FAM53B: variants seen among roughly 807,000 people sequenced by gnomAD.
FAM53B encodes the protein family with sequence similarity 53 member B.
Under a neutral mutation model 32.7 loss-of-function variants are expected in FAM53B, and 12 were observed. That is an observed-to-expected ratio of 0.37 (90% CI 0.24 to 0.59). FAM53B has a LOEUF of 0.59. Among genes scored for constraint, FAM53B ranks in the 20% least tolerant of loss-of-function variants. FAM53B has a pLI of 0.72. For missense variants in FAM53B, 477 were observed against 577.7 expected, an observed-to-expected ratio of 0.83 and a Z score of 1.79; for synonymous variants, 234 against 228.7, an observed-to-expected ratio of 1.02 and a Z score of -0.21.
intron 3 of FAM53B, among the ~76,000 whole-genome samples, chr10:124,685,262 A>G (rs1949795383): frequency 6.6e-6 from 1 of 152,210 alleles, no homozygotes; most frequent in African/African-American, 2.4e-5. Flanking sequence ...TTGTTCTTCT[A>G]TAGTCTCCAA....
At chr10:124,720,171 A>C (rs1261276432) in intron 1 of FAM53B, among the ~76,000 whole-genome samples, 3 of 151,920 alleles carry the variant, frequency 2.0e-5, no homozygotes, top group African/African-American at 7.2e-5. Flanking sequence ...CTAAAAAAAA[A>C]AAAAAAAACA....
intron 3 of FAM53B, among the ~76,000 whole-genome samples, chr10:124,691,584 T>A (rs1949832820): frequency 6.6e-6 from 1 of 152,244 alleles, no homozygotes; most frequent in East Asian, 1.9e-4. Context: ...TGCCTTCGCT[T>A]TCTTACATAT....
chr10:124,667,663 C>T (rs548900650), intron 4 of FAM53B, among the ~76,000 whole-genome samples: 3 of 152,324 alleles, frequency 2.0e-5, no homozygotes, highest in Non-Finnish European at 2.9e-5. Context: ...CTCCCAGCCC[C>T]GCCCGGGGTC....
intron 4 of FAM53B, among the ~76,000 whole-genome samples, chr10:124,642,764 A>C (rs1444548077): frequency 2.0e-5 from 3 of 152,168 alleles, no homozygotes; most frequent in African/African-American, 7.2e-5. Context: ...ATTAAATAGG[A>C]GCCAAGAATT....
At chr10:124,629,429 C>T (rs981464465) in intron 4 of FAM53B, among the ~76,000 whole-genome samples, 1 of 152,178 alleles carries the variant, frequency 6.6e-6, no homozygotes, top group African/African-American at 2.4e-5. Context: ...AGTTTTATGG[C>T]GCTCTGTGTT....
intron 4 of FAM53B, among the ~76,000 whole-genome samples, chr10:124,630,139 G>A (rs113818377): frequency 8.5e-5 from 13 of 152,378 alleles, no homozygotes; most frequent in African/African-American, 3.1e-4. Context: ...TCAGCCAAGC[G>A]GGGTGGCTCA....
At chr10:124,728,702 G>A (rs1423896353) in intron 1 of FAM53B, among the ~76,000 whole-genome samples, 3 of 152,210 alleles carry the variant, frequency 2.0e-5, no homozygotes, top group Admixed American at 6.5e-5. Context: ...CAGGACAAAC[G>A]AAGACTTCTT....
rs554993298 is a variant in FAM53B, at chr10:124,660,370, C to T, written c.906+21237G>A. Among the ~76,000 whole-genome samples the T allele has an allele frequency of 2.2e-4, 34 of 152,356 alleles. 1 individual carries two copies. The South Asian group carries it at 7.0e-3, about 32-fold the overall frequency. On this transcript the variant is annotated intron_variant, in intron 4 of 4. Coordinates refer to ENST00000337318, the MANE Select transcript of FAM53B (RefSeq NM_014661.4). ...GACCAGACAAGCAACCCAGCTGGTACGTCCAGAGGAATGCCCCAGAGTAAT... is the reference window on the plus strand; with the variant it reads ...GACCAGACAAGCAACCCAGCTGGTATGTCCAGAGGAATGCCCCAGAGTAAT...
Position 124,718,930 on chromosome 10 carries a change from C to T in FAM53B, c.-174-12043G>A, listed in dbSNP as rs1950052180. 3.3e-5 allele frequency among the ~76,000 whole-genome samples: 5 copies of T among 152,052 alleles called. No homozygotes were observed. In the South Asian group the frequency reaches 1.0e-3, roughly 32 times the overall value. Reference sequence around the variant, plus strand: ...AGGTATGGTGGCATACACCTGTGGTCCCAGCTACACAGGAGGCTGAGTAGG... The same window carrying T: ...AGGTATGGTGGCATACACCTGTGGTTCCAGCTACACAGGAGGCTGAGTAGG... On this transcript the variant is annotated intron_variant, in intron 1 of 4. Coordinates refer to ENST00000337318, the MANE Select transcript of FAM53B (RefSeq NM_014661.4).
At chr10:124,690,409 C>T (rs1012346749) in intron 3 of FAM53B, among the ~76,000 whole-genome samples, 1 of 152,250 alleles carries the variant, frequency 6.6e-6, no homozygotes, top group African/African-American at 2.4e-5. Context: ...GACCCAAGGT[C>T]ATGCTCTTGC....
intron 4 of FAM53B, among the ~76,000 whole-genome samples, chr10:124,641,222 T>C (rs549166944): frequency 2.0e-5 from 3 of 152,358 alleles, no homozygotes; most frequent in African/African-American, 7.2e-5. Flanking sequence ...TCTTCCTCGA[T>C]ATGTTGGATT....
At chr10:124,714,390 C>T (rs1385985457) in intron 1 of FAM53B, among the ~76,000 whole-genome samples, 5 of 152,046 alleles carry the variant, frequency 3.3e-5, no homozygotes, top group African/African-American at 1.2e-4. Context: ...GCCAGGGTTC[C>T]CATGTCTTCA....
At chr10:124,724,069 A>G (rs1950087050) in intron 1 of FAM53B, among the ~76,000 whole-genome samples, 1 of 152,172 alleles carries the variant, frequency 6.6e-6, no homozygotes, top group Admixed American at 6.5e-5. Context: ...CAAGTGTTCA[A>G]TTAGGTTTCC....
chr10:124,676,848 C>T (rs903447416), intron 4 of FAM53B, among the ~76,000 whole-genome samples: 5 of 152,176 alleles, frequency 3.3e-5, no homozygotes, highest in African/African-American at 1.2e-4. Context: ...CCCCAAACTG[C>T]CCCTGGCCAG....
chr10:124,665,068 G>A (rs1027005929), intron 4 of FAM53B, among the ~76,000 whole-genome samples: 4 of 152,218 alleles, frequency 2.6e-5, no homozygotes, highest in African/African-American at 7.2e-5. Flanking sequence ...AGTGGCCCTC[G>A]CTTGTGTGCA....
chr10:124,645,236 C>T (rs888690825), intron 4 of FAM53B, among the ~76,000 whole-genome samples: 1 of 152,264 alleles, frequency 6.6e-6, no homozygotes, highest in African/African-American at 2.4e-5. Flanking sequence ...GGTAAGACCG[C>T]CTATCTGCTC....
chr10:124,700,240 T>C lies in FAM53B; in HGVS notation c.79-4028A>G, dbSNP rs554011120. Among the ~76,000 whole-genome samples, 109 of 152,278 alleles carry C rather than the reference T, an allele frequency of 7.2e-4. 1 individual carries two copies. The highest frequency in any genetic ancestry group is 2.0e-3 in the African/African-American group (84 of 41,560). Reference sequence around the variant, plus strand: ...CTCTAGGTTGGCCAGGGCCTTTTTTTCCCCAGGCTTCCCAGTATATGCTAA... The same window carrying C: ...CTCTAGGTTGGCCAGGGCCTTTTTTCCCCCAGGCTTCCCAGTATATGCTAA... On this transcript the variant is annotated intron_variant, in intron 2 of 4. Transcript: ENST00000337318.
At chr10:124,687,790 T>C (rs1949811572) in intron 3 of FAM53B, among the ~76,000 whole-genome samples, 1 of 152,184 alleles carries the variant, frequency 6.6e-6, no homozygotes, top group Non-Finnish European at 1.5e-5. Flanking sequence ...CCAGGTTATT[T>C]CAATGCAAAA....
intron 4 of FAM53B, among the ~76,000 whole-genome samples, chr10:124,644,044 G>T (rs1422711115): frequency 1.7e-5 from 1 of 58,792 alleles, no homozygotes; most frequent in Admixed American, 2.3e-4. Flanking sequence ...CTCCAACGAA[G>T]ATGTGACTCA....
Sources: allele counts gnomAD v4.1 joint callset (sites outside exome capture counted in the v4.1 genomes callset), GRCh38; gene constraint gnomAD v4.1.1; transcripts MANE v1.5; gene names NCBI Gene and HGNC (gene_info 2026-07-23, HGNC 2026-07-21).